Variants in CACNG7 observed in about 807,000 individuals in gnomAD.
The protein encoded by CACNG7 is calcium voltage-gated channel auxiliary subunit gamma 7, also known as voltage-dependent calcium channel gamma-7 subunit.
Under a neutral mutation model 26.3 loss-of-function variants are expected in CACNG7, and 9 were observed. The ratio of observed to expected loss-of-function variants is 0.34; its 90% CI spans 0.21 to 0.60. The LOEUF (loss-of-function observed/expected upper bound fraction) is 0.60, where lower values mean the gene tolerates loss of function less well. CACNG7 is among the 20% of genes least tolerant of loss of function. The pLI is 0.81. For synonymous variants in CACNG7, 170 were observed against 157.0 expected (o/e 1.08, Z -0.62); for missense variants, 297 against 380.4 (o/e 0.78, Z 1.82).
At chr19:53,924,184 G>T (rs1339735245) in intron 4 of CACNG7, among the ~76,000 whole-genome samples, 1 of 148,936 alleles carries the variant, frequency 6.7e-6, no homozygotes, top group East Asian at 2.0e-4. Context: ...TCCCAGGTCT[G>T]GTCATTGGTG....
intron 4 of CACNG7, among the ~76,000 whole-genome samples, chr19:53,925,562 G>T (rs939359996): frequency 1.4e-4 from 7 of 51,042 alleles, no homozygotes; most frequent in African/African-American, 1.0e-3. Context: ...CTTGCCCCAG[G>T]TCTGGTCATT....
rs781125638 is a variant in CACNG7 at position 53,912,911 on chromosome 19, C to T, written c.80C>T (p.Ala27Val). Residue 27 changes from alanine to valine, a missense_variant, in exon 2 of 6, where the codon GCG becomes GTG. Transcript: ENST00000391767. This position sits in a 1 kb window ranked among gnomAD's most constrained non-coding sequence, Gnocchi z 4.6. ...TGTGGCCTGCTCCTGGTAGGCATCG[C>T]GGTCAGCACTGACTACTGGCTGTAC... ...GACGLLLVGI[A>V]VSTDYWLYME... is the part of the protein sequence containing the mutation. 2 of 1,613,960 alleles carry T rather than the reference C, an allele frequency of 1.2e-6. No individual in the cohort carries two copies. The highest frequency in any genetic ancestry group is 1.3e-5 in the African/African-American group (1 of 74,916).
chr19:53,914,281 A>AAAAAAAG (rs1163345220), intron 2 of CACNG7, among the ~76,000 whole-genome samples: 16 of 138,004 alleles, frequency 1.2e-4, no homozygotes, highest in African/African-American at 4.3e-4. Context: ...CTCAAAAAAA[A>AAAAAAAG]AAAAAAGAAA....
At chr19:53,916,438 C>T (rs2145899281) in intron 4 of CACNG7, among the ~76,000 whole-genome samples, 1 of 151,296 alleles carries the variant, frequency 6.6e-6, no homozygotes, top group East Asian at 1.9e-4. Flanking sequence ...AAACTATTTC[C>T]AGAGGACTTC....
chr19:53,928,547 T>C (rs2069049556), intron 4 of CACNG7, among the ~76,000 whole-genome samples: 1 of 152,044 alleles, frequency 6.6e-6, no homozygotes, highest in Non-Finnish European at 1.5e-5. Context: ...AGTGCTGAGA[T>C]TACAGGCATG....
At chr19:53,934,132 G>A (rs1337723869) in intron 4 of CACNG7, among the ~76,000 whole-genome samples, 2 of 152,086 alleles carry the variant, frequency 1.3e-5, no homozygotes, top group African/African-American at 2.4e-5. Context: ...CCTGACCTCA[G>A]GTGATACACC....
chr19:53,912,800 C>T lies in CACNG7; in HGVS notation c.-29-3C>T. Reference sequence around the variant, plus strand: ...GCTCTGCACTGTAGCTTCCCTTCCACAGGCCCCGCAGGGCGCCCCCTGCCT... The same window carrying T: ...GCTCTGCACTGTAGCTTCCCTTCCATAGGCCCCGCAGGGCGCCCCCTGCCT... On this transcript the variant is annotated splice_polypyrimidine_tract_variant and splice_region_variant and intron_variant, in intron 1 of 5. Coordinates refer to ENST00000391767, the MANE Select transcript of CACNG7 (RefSeq NM_031896.5). The surrounding 1 kb of genome is among the most constrained non-coding windows in gnomAD (Gnocchi z 4.6). 1 of 1,607,026 alleles carries T rather than the reference C, an allele frequency of 6.2e-7. No homozygotes were observed. The highest frequency in any genetic ancestry group is 1.1e-5 in the South Asian group (1 of 90,976).
intron 4 of CACNG7, among the ~76,000 whole-genome samples, chr19:53,924,092 C>T (rs534671113): frequency 1.0e-4 from 14 of 133,428 alleles, no homozygotes; most frequent in African/African-American, 4.1e-4. Context: ...GTGGAGTTGT[C>T]CCCAGGTCTG....
rs758447649 is a variant in CACNG7 at position 53,914,582 on chromosome 19, T to C, written c.279T>C (p.Ile93=). The C allele has an allele frequency of 2.5e-6, 4 of 1,613,814 alleles. No individual in the cohort carries two copies. In the African/African-American group the frequency reaches 5.3e-5, roughly 22 times the overall value. ...TGGTGACGGAAAACACGGAGAATAT[T>C]CTGAGTGAGGGGATGTGGGGGCACC... is the stretch of plus-strand genomic sequence containing the variant. ...INLVTENTEN[I]LKTVRTATPF... is the part of the protein sequence containing the mutation. Residue 93 remains isoleucine (I), a synonymous_variant, in exon 3 of 6, where the codon ATT becomes ATC. Coordinates refer to ENST00000391767, the MANE Select transcript of CACNG7 (RefSeq NM_031896.5).
rs1310679798 is a variant in CACNG7, at chr19:53,912,853, G to A, written c.22G>A (p.Ala8Thr). Residue 8 changes from alanine (A) to threonine (T), a missense_variant, in exon 2 of 6, where the codon GCC (alanine) becomes ACC (threonine). Ala to Thr is a moderately conservative substitution (Grantham distance 58). Coordinates refer to ENST00000391767, the MANE Select transcript of CACNG7 (RefSeq NM_031896.5). This position sits in a 1 kb window ranked among gnomAD's most constrained non-coding sequence, Gnocchi z 4.6. ...GAGGATGAGTCACTGCAGCAGCCGC[G>A]CCCTGACCCTGCTGAGCAGCGTGTT... MSHCSSR[A>T]LTLLSSVFGA... 6 of 1,613,046 alleles carry A rather than the reference G, an allele frequency of 3.7e-6. No homozygotes were observed. Among genetic ancestry groups the A allele is most frequent in the Non-Finnish European group, 5.1e-6 (6 of 1,180,002 alleles).
Position 53,914,400 on chromosome 19 carries a change from C to G in CACNG7, c.197-100C>G, listed in dbSNP as rs2068881537. On this transcript the variant is annotated intron_variant, in intron 2 of 5. Coordinates refer to ENST00000391767, the MANE Select transcript of CACNG7 (RefSeq NM_031896.5). The stretch of plus-strand genomic sequence containing the variant: ...AACCCTTGGGTTAGGCCTTGCTCCC[C>G]CATCCTGGGGTCTCCCCTCTATCTG... 4.0e-5 allele frequency: 37 copies of G among 923,194 alleles called. No homozygotes were observed. In the South Asian group the frequency reaches 5.5e-4, roughly 14 times the overall value. 57.2% of individuals were successfully genotyped at this position (923,194 alleles called of 1,614,324 possible).
At chr19:53,941,324 C>A in intron 4 of CACNG7, 146 bp from the exon 5 acceptor site, 1 of 849,996 alleles carries the variant, frequency 1.2e-6, no homozygotes, top group Non-Finnish European at 1.7e-6. Context: ...GGGCTCCCTG[C>A]ACCCAACCAA....
At position 53,918,575 on chromosome 19, in the gene CACNG7, T is replaced by G. The variant is rs118016972; in HGVS notation, c.424+3070T>G. On this transcript the variant is annotated intron_variant, in intron 4 of 5. Transcript: ENST00000391767. Reference sequence around the variant, plus strand: ...GGTCATCATTTGCCAACCCCTCATTTAGATCATGAATGTAAAGCATCCGAC... The same window carrying G: ...GGTCATCATTTGCCAACCCCTCATTGAGATCATGAATGTAAAGCATCCGAC... 8.6e-3 allele frequency among the ~76,000 whole-genome samples: 1,306 copies of G among 152,258 alleles called. 6 individuals carry two copies. The highest frequency in any genetic ancestry group is 0.02 in the Middle Eastern group (6 of 294).
chr19:53,926,418 C>A (rs2069031432), intron 4 of CACNG7, among the ~76,000 whole-genome samples: 1 of 152,012 alleles, frequency 6.6e-6, no homozygotes, highest in South Asian at 2.1e-4. Context: ...GTCCTTTCCC[C>A]ACCTCCAACT....
At chr19:53,917,846 A>G (rs1274859295) in intron 4 of CACNG7, among the ~76,000 whole-genome samples, 3 of 152,202 alleles carry the variant, frequency 2.0e-5, no homozygotes, top group African/African-American at 4.8e-5. Context: ...TAGCTTGTCA[A>G]TGGCAGAACT....
At position 53,912,515 on chromosome 19, in the gene CACNG7, G is replaced by C. The variant is rs1182937900; in HGVS notation, c.-29-288G>C. 1.3e-5 allele frequency among the ~76,000 whole-genome samples: 2 copies of C among 152,170 alleles called. No homozygotes were observed. The highest frequency in any genetic ancestry group is 2.9e-5 in the Non-Finnish European group (2 of 68,030). On this transcript the variant is annotated intron_variant, in intron 1 of 5. Transcript: ENST00000391767. The surrounding 1 kb of genome is among the most constrained non-coding windows in gnomAD (Gnocchi z 4.6). The stretch of plus-strand genomic sequence containing the variant: ...GCCAAGATTCAATCTCTGGGCCTGG[G>C]CTGAAAGTTGTGATTAGAAATCTAA...
Position 53,912,680 on chromosome 19 carries a change from G to T in CACNG7, c.-29-123G>T. 1.4e-6 allele frequency: 1 copy of T among 737,554 alleles called. No individual in the cohort carries two copies. The highest frequency in any genetic ancestry group is 2.3e-6 in the Non-Finnish European group (1 of 440,224). 45.7% of individuals were successfully genotyped at this position (737,554 alleles called of 1,614,324 possible). On this transcript the variant is annotated intron_variant, in intron 1 of 5. Coordinates refer to ENST00000391767, the MANE Select transcript of CACNG7 (RefSeq NM_031896.5). This position sits in a 1 kb window ranked among gnomAD's most constrained non-coding sequence, Gnocchi z 4.6. ...GTCATGGGTCAGGCCACGGAGGTCAGATCTGAGATTTCGATTTGGGAGTCA... is the reference window on the plus strand; with the variant it reads ...GTCATGGGTCAGGCCACGGAGGTCATATCTGAGATTTCGATTTGGGAGTCA...
intron 4 of CACNG7, among the ~76,000 whole-genome samples, chr19:53,932,910 C>A (rs932621918): frequency 2.7e-5 from 4 of 150,152 alleles, no homozygotes; most frequent in Non-Finnish European, 4.4e-5. Flanking sequence ...CAGGTTAAAG[C>A]GATTCTCTGG....
rs938659971 is a variant in CACNG7 at position 53,940,798 on chromosome 19, T to C, written c.425-672T>C. ...GGCCGGGCGCGGTGGCTCAAACCTG[T>C]AATCTTAGCATTTGGGGAGGCCGAG... On this transcript the variant is annotated intron_variant, in intron 4 of 5. Transcript: ENST00000391767. This position sits in a 1 kb window ranked among gnomAD's most constrained non-coding sequence, Gnocchi z 4.1. Among the ~76,000 whole-genome samples the C allele has an allele frequency of 3.3e-5, 5 of 151,972 alleles. No individual in the cohort carries two copies. The highest frequency in any genetic ancestry group is 1.2e-4 in the African/African-American group (5 of 41,354).
Sources: gnomAD v4.1 joint callset for allele counts (sites outside exome capture counted in the v4.1 genomes callset) on GRCh38, gnomAD v4.1.1 for gene constraint, Gnocchi (gnomAD v3.1) non-coding constraint, MANE v1.5 for transcripts, NCBI Gene and HGNC (gene_info 2026-07-23, HGNC 2026-07-21) for gene names.